The following ITSN1 variants were observed in gnomAD, a reference collection of about 807,000 sequenced individuals.
The protein encoded by ITSN1 is intersectin-1.
In ITSN1, 58 loss-of-function variants were observed where a neutral mutation model predicts 239.8. The observed-to-expected ratio is 0.24, with a 90% CI of 0.20 to 0.30. ITSN1 has a LOEUF of 0.30. ITSN1 is among the 10% of genes least tolerant of loss of function. The probability of loss-of-function intolerance (pLI) is 1.00; values close to 1 mark genes in which losing one functional copy is unlikely to be tolerated. For synonymous variants in ITSN1, 780 were observed against 770.8 expected, an observed-to-expected ratio of 1.01 and a Z score of -0.20; for missense variants, 1,558 against 2,103.3, an observed-to-expected ratio of 0.74 and a Z score of 5.07.
intron 1 of ITSN1, among the ~76,000 whole-genome samples, chr21:33,713,069 G>T (rs541695262): frequency 6.6e-6 from 1 of 151,816 alleles, no homozygotes; most frequent in Non-Finnish European, 1.5e-5. Flanking sequence ...TTAGAGACAG[G>T]GTTTTATCAT....
In ITSN1 at chr21:33,883,531, C is replaced by A; in HGVS notation, c.4555-19C>A. 1.2e-6 allele frequency: 2 copies of A among 1,612,170 alleles called. No homozygotes were observed. The highest frequency in any genetic ancestry group is 1.7e-6 in the Non-Finnish European group (2 of 1,178,668). On this transcript the variant is annotated intron_variant, in intron 35 of 39. Coordinates refer to ENST00000381318, the MANE Select transcript of ITSN1 (RefSeq NM_003024.3). ...AGACCCCCAGCCTCGCTTTGTAATG[C>A]CTGTGTGTTACTTTCCAGCCTATTT...
chr21:33,674,177 G>C (rs987040209), intron 1 of ITSN1, among the ~76,000 whole-genome samples: 3 of 152,128 alleles, frequency 2.0e-5, no homozygotes, highest in African/African-American at 7.2e-5. Context: ...TACCTTTAAG[G>C]CATCTCTACA....
At chr21:33,823,053 A>G (rs2073782071) in intron 24 of ITSN1, among the ~76,000 whole-genome samples, 1 of 152,260 alleles carries the variant, frequency 6.6e-6, no homozygotes, top group Non-Finnish European at 1.5e-5. Context: ...ACTGAAATAC[A>G]CATATTTAAT....
At chr21:33,876,094 TTTC>T (rs2148533823) in intron 34 of ITSN1, among the ~76,000 whole-genome samples, 1 of 92,552 alleles carries the variant, frequency 1.1e-5, no homozygotes, top group African/African-American at 2.8e-5. Flanking sequence ...TTCCTCTTTC[TTTC>T]TTTCCTTCTT....
chr21:33,755,189 G>T, intron 7 of ITSN1, 108 bp from the exon 8 acceptor site: 1 of 530,842 alleles, frequency 1.9e-6, no homozygotes. Context: ...AAATATGAAA[G>T]TTAGAGATGA....
intron 21 of ITSN1, among the ~76,000 whole-genome samples, chr21:33,812,564 C>T (rs1314120244): frequency 6.6e-6 from 1 of 151,680 alleles, no homozygotes; most frequent in Non-Finnish European, 1.5e-5. Flanking sequence ...AGTGGCATGA[C>T]CATGGCTCAC....
rs1318867336 is a variant in ITSN1 at position 33,811,227 on chromosome 21, G to A, written c.2567+5G>A. On this transcript the variant is annotated splice_donor_5th_base_variant and intron_variant, in intron 21 of 39. Transcript: ENST00000381318. ...CTGGGCCGACTTCAGCTCCACGTAC[G>A]TGTTGGTGGGCTCTTTCTGATGATT... 1.9e-6 allele frequency: 3 copies of A among 1,564,246 alleles called. No homozygotes were observed. The highest frequency in any genetic ancestry group is 2.3e-5 in the East Asian group (1 of 44,258).
intron 17 of ITSN1, among the ~76,000 whole-genome samples, chr21:33,796,906 T>C (rs1477888191): frequency 6.6e-6 from 1 of 152,206 alleles, no homozygotes; most frequent in Non-Finnish European, 1.5e-5. Flanking sequence ...CTATTTGTGG[T>C]AGCTACTTTG....
chr21:33,866,176 G>A (rs1321092176), intron 32 of ITSN1, among the ~76,000 whole-genome samples: 1 of 152,202 alleles, frequency 6.6e-6, no homozygotes, highest in East Asian at 1.9e-4. Context: ...CACAAGCGCA[G>A]CCTCTTCTTG....
rs1986696118 is a variant in ITSN1, at chr21:33,895,562, CGTGTATGTGTGCGTGT to C, written c.*7266_*7281del. 1 of 139,316 alleles carries C rather than the reference CGTGTATGTGTGCGTGT, an allele frequency of 7.2e-6. No individual in the cohort carries two copies. The highest frequency in any genetic ancestry group is 2.7e-5 in the African/African-American group (1 of 36,682). The allele number at this position is 139,316 out of a possible 1,614,324, so 8.6% of individuals were successfully genotyped here. A position where few individuals can be genotyped will look rare whatever the true frequency, so the allele number is the denominator to read the frequency against. On this transcript the variant is annotated 3_prime_UTR_variant, in exon 40 of 40. Transcript: ENST00000381318. ...ACGTGTGTGTGCACGCATGTGTGTG[CGTGTATGTGTGCGTGT>C]GTGCATGTTTGTGAGTGCATGTGTT...
intron 20 of ITSN1, among the ~76,000 whole-genome samples, 157 bp downstream of exon 20, chr21:33,802,601 AAGT>A (rs574652684): frequency 1.3e-3 from 199 of 152,030 alleles, no homozygotes; most frequent in African/African-American, 4.7e-3. Flanking sequence ...TTTAAAAAAA[AAGT>A]AAGTCGTAAG....
At chr21:33,699,162 C>T (rs2091911385) in intron 1 of ITSN1, among the ~76,000 whole-genome samples, 1 of 151,890 alleles carries the variant, frequency 6.6e-6, no homozygotes, top group African/African-American at 2.4e-5. Context: ...TTTTATGTTT[C>T]TCCCACATTT....
intron 5 of ITSN1, among the ~76,000 whole-genome samples, chr21:33,740,957 TA>T (rs879446045): frequency 5.9e-5 from 9 of 152,182 alleles, no homozygotes; most frequent in Admixed American, 1.3e-4. Context: ...TCCTTTTCTG[TA>T]AAATGGAAAA....
chr21:33,774,585 A>AT (rs996544515), intron 12 of ITSN1, 144 bp from the exon 13 acceptor site: 8 of 683,604 alleles, frequency 1.2e-5, no homozygotes, highest in African/African-American at 1.1e-4. Flanking sequence ...TTTTTATGTA[A>AT]TTTTTTGTTT....
chr21:33,772,968 G>C (rs985482950), intron 12 of ITSN1, among the ~76,000 whole-genome samples: 1 of 148,908 alleles, frequency 6.7e-6, no homozygotes, highest in Non-Finnish European at 1.5e-5. Context: ...CACTGTAATA[G>C]TATCATACCA....
Position 33,811,071 on chromosome 21 carries a change from G to C in ITSN1, c.2416G>C (p.Glu806Gln). 1.2e-6 allele frequency: 2 copies of C among 1,614,200 alleles called. No homozygotes were observed. Among genetic ancestry groups the C allele is most frequent in the South Asian group, 1.1e-5 (1 of 91,072 alleles). Residue 806 changes from glutamate to glutamine, a missense_variant, in exon 21 of 40, where the codon GAA becomes CAA. This residue lies in a region of ITSN1 where 982 missense variants were observed against 1,209.9 expected (regional missense o/e 0.81). Transcript: ENST00000381318. ...TGCAAACTATGCAGAGAAAATCCCA[G>C]AAAATGAGGTTCCCGCTCCAGTGAA... ...FPANYAEKIPENEVPAPVKPV... is the reference protein window; with the variant it reads ...FPANYAEKIPQNEVPAPVKPV...
At chr21:33,663,002 A>G (rs1328427494) in intron 1 of ITSN1, among the ~76,000 whole-genome samples, 1 of 152,236 alleles carries the variant, frequency 6.6e-6, no homozygotes, top group Non-Finnish European at 1.5e-5. Flanking sequence ...CACATAAATA[A>G]TAGTATTATA....
intron 8 of ITSN1, among the ~76,000 whole-genome samples, chr21:33,758,564 T>C (rs2068079416): frequency 6.6e-6 from 1 of 152,170 alleles, no homozygotes. Flanking sequence ...GGGATCATTC[T>C]TTAATTAAGG....
intron 16 of ITSN1, among the ~76,000 whole-genome samples, chr21:33,784,495 C>T (rs1007461663): frequency 2.6e-5 from 4 of 152,058 alleles, no homozygotes; most frequent in African/African-American, 9.7e-5. Flanking sequence ...AGAGTGAGAC[C>T]CTGTCTCAAA....
Sources: gnomAD v4.1 joint callset for allele counts (sites outside exome capture counted in the v4.1 genomes callset) on GRCh38, gnomAD v4.1.1 for gene constraint, gnomAD v4.1.1 regional missense constraint, MANE v1.5 for transcripts, NCBI Gene and HGNC (gene_info 2026-07-23, HGNC 2026-07-21) for gene names.